Variants in PTPRD observed in about 807,000 individuals in gnomAD.
PTPRD encodes protein tyrosine phosphatase receptor type D.
A neutral mutation model predicts 214.5 loss-of-function variants in PTPRD; 34 were observed. The observed-to-expected ratio is 0.16, with a 90% CI of 0.12 to 0.21. PTPRD has a LOEUF of 0.21. PTPRD is among the 10% of genes least tolerant of loss of function. The pLI, the probability that PTPRD is intolerant of heterozygous loss-of-function variation, is 1.00. For synonymous variants in PTPRD, 1,128 were observed against 845.7 expected (o/e 1.33, Z -5.79); for missense variants, 2,545 against 2,398.7 (o/e 1.06, Z -1.27).
intron 7 of PTPRD, among the ~76,000 whole-genome samples, chr9:9,575,764 A>G (rs191234666): frequency 8.1e-6 from 1 of 123,708 alleles, no homozygotes; most frequent in Admixed American, 7.9e-5. Context: ...AGAAAAAGAA[A>G]AAAAGAAAAA....
chr9:8,867,833 A>T (rs1037036104), intron 11 of PTPRD, among the ~76,000 whole-genome samples: 20 of 152,322 alleles, frequency 1.3e-4, no homozygotes, highest in Non-Finnish European at 2.4e-4. Context: ...ATGGGCCTTA[A>T]TCTTCTGTGT....
At chr9:8,713,283 G>A (rs1338565831) in intron 12 of PTPRD, 1 of 684,830 alleles carries the variant, frequency 1.5e-6, no homozygotes, top group South Asian at 1.6e-5. Context: ...GAGCTTTTGC[G>A]GGTGGCGGCG....
chr9:8,999,161 T>C (rs13286986), intron 11 of PTPRD, among the ~76,000 whole-genome samples: 75,992 of 151,986 alleles, frequency 0.5, 21,276 homozygotes, highest in Non-Finnish European at 0.65. Flanking sequence ...TTTAAGCAGA[T>C]TGACTCTAGT....
chr9:9,174,429 A>T (rs1359723361), intron 10 of PTPRD, among the ~76,000 whole-genome samples: 1 of 152,186 alleles, frequency 6.6e-6, no homozygotes, highest in East Asian at 1.9e-4. Flanking sequence ...AAGGTAAATC[A>T]TTTATACATA....
At chr9:8,553,837 C>T (rs1401995335) in intron 14 of PTPRD, among the ~76,000 whole-genome samples, 2 of 152,104 alleles carry the variant, frequency 1.3e-5, no homozygotes, top group African/African-American at 4.8e-5. Flanking sequence ...AGATGGAGCA[C>T]CTACAGTATG....
At chr9:10,149,382 CTT>C (rs1045435429) in intron 3 of PTPRD, among the ~76,000 whole-genome samples, 5 of 152,188 alleles carry the variant, frequency 3.3e-5, no homozygotes, top group African/African-American at 9.6e-5. Flanking sequence ...GTTTTTAAAA[CTT>C]GATGATTTTA....
intron 26 of PTPRD, among the ~76,000 whole-genome samples, chr9:8,496,429 T>C (rs1188613346): frequency 6.6e-6 from 1 of 152,214 alleles, no homozygotes; most frequent in Non-Finnish European, 1.5e-5. Flanking sequence ...TACTCTTCCC[T>C]AGCCACTTAG....
intron 9 of PTPRD, among the ~76,000 whole-genome samples, chr9:9,376,445 A>G (rs2060823574): frequency 6.6e-6 from 1 of 152,186 alleles, no homozygotes; most frequent in Admixed American, 6.6e-5. Flanking sequence ...CAATTATTTC[A>G]TGAAATGTAT....
intron 9 of PTPRD, among the ~76,000 whole-genome samples, chr9:9,369,008 G>A (rs556106079): frequency 3.9e-4 from 59 of 152,006 alleles, no homozygotes; most frequent in African/African-American, 1.1e-3. Context: ...GAGAACATGC[G>A]GTGTTTGGTT....
chr9:9,773,353 A>C (rs1010194103), intron 5 of PTPRD, among the ~76,000 whole-genome samples: 1 of 152,166 alleles, frequency 6.6e-6, no homozygotes, highest in Non-Finnish European at 1.5e-5. Context: ...TTCTTCCCAC[A>C]GTTATAATAT....
intron 12 of PTPRD, among the ~76,000 whole-genome samples, chr9:8,637,887 G>T (rs1364544494): frequency 1.3e-5 from 2 of 151,970 alleles, no homozygotes; most frequent in African/African-American, 4.8e-5. Context: ...AGCCACAAAA[G>T]CATACTACAG....
intron 2 of PTPRD, among the ~76,000 whole-genome samples, chr9:10,386,657 A>AAAAAAT (rs1274621679): frequency 1.5e-3 from 54 of 35,568 alleles, no homozygotes; most frequent in East Asian, 8.5e-3. Context: ...CCCAAAGACC[A>AAAAAAT]AAAAAACAAA....
intron 11 of PTPRD, among the ~76,000 whole-genome samples, chr9:8,954,747 A>T (rs1311689213): frequency 6.6e-6 from 1 of 151,872 alleles, no homozygotes; most frequent in South Asian, 2.1e-4. Flanking sequence ...ATTTAGATAC[A>T]TGATCATGGT....
intron 12 of PTPRD, among the ~76,000 whole-genome samples, chr9:8,724,281 C>G (rs1334589935): frequency 6.6e-6 from 1 of 152,136 alleles, no homozygotes; most frequent in Non-Finnish European, 1.5e-5. Context: ...TGGTTTTCTC[C>G]TTCACTCTAA....
intron 3 of PTPRD, among the ~76,000 whole-genome samples, chr9:10,097,141 C>G (rs981303460): frequency 2.8e-5 from 4 of 144,848 alleles, no homozygotes; most frequent in African/African-American, 7.4e-5. Flanking sequence ...GTTACTGTAG[C>G]CTTGTAGTAT....
chr9:10,262,940 C>G (rs1219308435), intron 3 of PTPRD, among the ~76,000 whole-genome samples: 1 of 152,038 alleles, frequency 6.6e-6, no homozygotes, highest in African/African-American at 2.4e-5. Flanking sequence ...GGGCAGTTTC[C>G]CACATACTGT....
chr9:9,953,022 T>C (rs2093592665), intron 4 of PTPRD, among the ~76,000 whole-genome samples: 1 of 152,170 alleles, frequency 6.6e-6, no homozygotes, highest in African/African-American at 2.4e-5. Flanking sequence ...AGAATGAATT[T>C]TAGGATGAAC....
intron 8 of PTPRD, among the ~76,000 whole-genome samples, chr9:9,518,471 A>G (rs1428030824): frequency 6.6e-6 from 1 of 152,076 alleles, no homozygotes; most frequent in African/African-American, 2.4e-5. Flanking sequence ...ATGCATAATG[A>G]AATCACAAAG....
intron 3 of PTPRD, among the ~76,000 whole-genome samples, chr9:10,117,063 G>A (rs149557510): frequency 6.1e-4 from 93 of 151,730 alleles, no homozygotes; most frequent in African/African-American, 2.1e-3. Flanking sequence ...ACATCTACCC[G>A]CTCGTAGAAT....
Sources: allele counts gnomAD v4.1 joint callset (sites outside exome capture counted in the v4.1 genomes callset), GRCh38; gene constraint gnomAD v4.1.1; transcripts MANE v1.5; gene names NCBI Gene and HGNC (gene_info 2026-07-23, HGNC 2026-07-21).